The following ZBTB17 variants were observed in gnomAD, a reference collection of about 807,000 sequenced individuals.
ZBTB17 encodes zinc finger and BTB domain-containing protein 17.
A neutral mutation model predicts 85.1 loss-of-function variants in ZBTB17; 24 were observed. The observed-to-expected ratio is 0.28, with a 90% CI of 0.20 to 0.40. The LOEUF (loss-of-function observed/expected upper bound fraction) is 0.40. Among genes scored for constraint, ZBTB17 ranks in the 10% least tolerant of loss-of-function variants. The pLI, the probability that ZBTB17 is intolerant of heterozygous loss-of-function variation, is 1.00. For synonymous variants in ZBTB17, 464 were observed against 460.2 expected (o/e 1.01, Z -0.11); for missense variants, 743 against 1,105.1 (o/e 0.67, Z 4.65).
At position 15,953,157 on chromosome 1, in the gene ZBTB17, AT is replaced by A. The variant is rs1375914183; in HGVS notation, c.-2-4661del. Among the ~76,000 whole-genome samples the A allele has an allele frequency of 6.6e-6, 1 of 151,806 alleles. No individual in the cohort carries two copies. The highest frequency in any genetic ancestry group is 2.4e-5 in the African/African-American group (1 of 41,258). On this transcript the variant is annotated intron_variant, in intron 2 of 15. Coordinates refer to ENST00000375743, the MANE Select transcript of ZBTB17 (RefSeq NM_003443.3). The surrounding 1 kb of genome is among the most constrained non-coding windows in gnomAD (Gnocchi z 5.1). Reference sequence around the variant, plus strand: ...ATTTCATATACATTTACATGAAAACATTCCAATTATTTAAAAAAATGTATTT... The same window carrying A: ...ATTTCATATACATTTACATGAAAACATCCAATTATTTAAAAAAATGTATTT...
chr1:15,956,568 A>C (rs1030463968), intron 2 of ZBTB17, among the ~76,000 whole-genome samples: 1 of 152,246 alleles, frequency 6.6e-6, no homozygotes, highest in African/African-American at 2.4e-5. Flanking sequence ...TTCTATGTAC[A>C]TGGATGAGAA....
Position 15,946,258 on chromosome 1 carries a change from G to A in ZBTB17, c.431C>T (p.Thr144Ile). The A allele has an allele frequency of 6.2e-7, 1 of 1,613,908 alleles. No homozygotes were observed. The highest frequency in any genetic ancestry group is 1.3e-5 in the African/African-American group (1 of 75,062). Residue 144 changes from threonine (T) to isoleucine (I), a missense_variant, in exon 5 of 16, where the codon ACC becomes ATC. Around this residue, in one of 4 missense-constraint regions of ZBTB17, gnomAD observed 279 missense variants for 269.9 expected, o/e 1.03. Transcript: ENST00000375743. Reference sequence around the variant, plus strand: ...CTGCTCCAGCCTGCTCAGCGTGCTGGTGGCCACCTTCTCCTCTTTGGCTCT... The same window carrying A: ...CTGCTCCAGCCTGCTCAGCGTGCTGATGGCCACCTTCTCCTCTTTGGCTCT... ...DKRAKEEKVATSTLSRLEQAG... is the reference protein window; with the variant it reads ...DKRAKEEKVAISTLSRLEQAG...
chr1:15,944,576 C>A lies in ZBTB17; in HGVS notation c.1095G>T (p.Glu365Asp). The A allele has an allele frequency of 1.3e-6, 2 of 1,598,520 alleles. No homozygotes were observed. The highest frequency in any genetic ancestry group is 1.7e-5 in the Admixed American group (1 of 59,676). The part of the protein sequence containing the change: ...THSPLKPYGC[E>D]ECGKSYRLIS... ...TGAGGCGGTAGCTCTTCCCGCACTC[C>A]TCGCAGCCGTAGGGCTTCAGAGGGC... Residue 365 changes from glutamate to aspartate, a missense_variant, in exon 9 of 16, where the codon GAG (glutamate) becomes GAT (aspartate). Physicochemically the swap from Glu to Asp is conservative, Grantham distance 45. This residue lies in a region of ZBTB17 where 321 missense variants were observed against 615.7 expected (regional missense o/e 0.52). Transcript: ENST00000375743.
At chr1:15,956,952 G>A (rs564889088) in intron 2 of ZBTB17, among the ~76,000 whole-genome samples, 144 of 152,220 alleles carry the variant, frequency 9.5e-4, no homozygotes, top group Non-Finnish European at 1.6e-3. Context: ...ACGCTGAGGC[G>A]GGTGGATCAC....
intron 2 of ZBTB17, among the ~76,000 whole-genome samples, chr1:15,963,865 G>T (rs190849579): frequency 1.0e-3 from 159 of 152,270 alleles, no homozygotes; most frequent in African/African-American, 3.7e-3. Context: ...TAGCACTTTG[G>T]GAGGCCAAAG....
Position 15,964,232 on chromosome 1 carries a change from T to A in ZBTB17, c.-3+8807A>T, listed in dbSNP as rs2072362794. ...TTCTCAGGTCCTCACTGTTTGAGAGTAAGGTATAAAGACACTGACTAAATT... is the reference window on the plus strand; with the variant it reads ...TTCTCAGGTCCTCACTGTTTGAGAGAAAGGTATAAAGACACTGACTAAATT... On this transcript the variant is annotated intron_variant, in intron 2 of 15. Coordinates refer to ENST00000375743, the MANE Select transcript of ZBTB17 (RefSeq NM_003443.3). The surrounding 1 kb of genome is among the most constrained non-coding windows in gnomAD (Gnocchi z 4.3). 6.6e-6 allele frequency among the ~76,000 whole-genome samples: 1 copy of A among 151,886 alleles called. No homozygotes were observed. The highest frequency in any genetic ancestry group is 6.6e-5 in the Admixed American group (1 of 15,244).
At chr1:15,968,031 T>G (rs1306602090) in intron 2 of ZBTB17, among the ~76,000 whole-genome samples, 1 of 151,692 alleles carries the variant, frequency 6.6e-6, no homozygotes, top group East Asian at 1.9e-4. Context: ...ACCACTGGCA[T>G]CTATGGGGAG....
intron 9 of ZBTB17, chr1:15,944,097 C>A (rs1263193166): frequency 9.9e-7 from 1 of 1,010,438 alleles, no homozygotes; most frequent in Non-Finnish European, 1.5e-6. Flanking sequence ...GACCAAACCC[C>A]GCCCTGAGTC....
intron 2 of ZBTB17, among the ~76,000 whole-genome samples, chr1:15,967,116 T>G (rs1164240881): frequency 6.6e-6 from 1 of 152,230 alleles, no homozygotes; most frequent in South Asian, 2.1e-4. Flanking sequence ...TGCTCGCACC[T>G]GTAATCCCAG....
chr1:15,960,207 C>T (rs1160971151), intron 2 of ZBTB17, among the ~76,000 whole-genome samples: 1 of 152,210 alleles, frequency 6.6e-6, no homozygotes, highest in Non-Finnish European at 1.5e-5. Flanking sequence ...TTAAGTGCCT[C>T]AGGCAGGCAC....
chr1:15,951,129 C>A lies in ZBTB17; in HGVS notation c.-2-2632G>T, dbSNP rs780179698. On this transcript the variant is annotated intron_variant, in intron 2 of 15. Coordinates refer to ENST00000375743, the MANE Select transcript of ZBTB17 (RefSeq NM_003443.3). This position sits in a 1 kb window ranked among gnomAD's most constrained non-coding sequence, Gnocchi z 4.1. ...ACTTTTCCAATGCAAGATGCCCGCC[C>A]AGAAGTGGGCTCCTCCCACACACGG... Among the ~76,000 whole-genome samples, 1 of 152,230 alleles carries A rather than the reference C, an allele frequency of 6.6e-6. No individual in the cohort carries two copies. Among genetic ancestry groups the A allele is most frequent in the African/African-American group, 2.4e-5 (1 of 41,450 alleles).
chr1:15,969,470 G>A (rs918403273), intron 2 of ZBTB17, among the ~76,000 whole-genome samples: 3 of 152,124 alleles, frequency 2.0e-5, no homozygotes, highest in African/African-American at 7.2e-5. Flanking sequence ...GTTGGGGGCT[G>A]CGGGCCATGC....
chr1:15,966,674 T>C lies in ZBTB17; in HGVS notation c.-3+6365A>G, dbSNP rs1014925165. Among the ~76,000 whole-genome samples the C allele has an allele frequency of 9.8e-5, 15 of 152,312 alleles. No homozygotes were observed. Among genetic ancestry groups the C allele is most frequent in the African/African-American group, 2.6e-4 (11 of 41,564 alleles). On this transcript the variant is annotated intron_variant, in intron 2 of 15. Transcript: ENST00000375743. The surrounding 1 kb of genome is among the most constrained non-coding windows in gnomAD (Gnocchi z 4.1). Reference sequence around the variant, plus strand: ...AGGTCAACCTTAATCACCCTGGGACTGTCAAACTATTGATGTCCATAAGGA... The same window carrying C: ...AGGTCAACCTTAATCACCCTGGGACCGTCAAACTATTGATGTCCATAAGGA...
intron 2 of ZBTB17, among the ~76,000 whole-genome samples, chr1:15,961,682 C>G (rs2072264083): frequency 6.6e-6 from 1 of 152,246 alleles, no homozygotes; most frequent in South Asian, 2.1e-4. Context: ...CCACCTGCGG[C>G]AGCGATCAAT....
At chr1:15,960,676 T>C (rs886884642) in intron 2 of ZBTB17, among the ~76,000 whole-genome samples, 1 of 152,208 alleles carries the variant, frequency 6.6e-6, no homozygotes, top group Non-Finnish European at 1.5e-5. Context: ...GCAAAGAGGC[T>C]CTCACTGAGG....
intron 10 of ZBTB17, 39 bp downstream of exon 10, chr1:15,943,769 G>A: frequency 1.9e-6 from 3 of 1,612,620 alleles, no homozygotes; most frequent in East Asian, 4.5e-5. Flanking sequence ...TGGCCGAGGA[G>A]CAGGGGTGTG....
chr1:15,941,946 A>G lies in ZBTB17; in HGVS notation c.*23T>C. 1 of 1,579,284 alleles carries G rather than the reference A, an allele frequency of 6.3e-7. No homozygotes were observed. Among genetic ancestry groups the G allele is most frequent in the Non-Finnish European group, 8.6e-7 (1 of 1,166,850 alleles). ...TCCAGGGTGCCATCCATCCTTAAAT[A>G]AACAGTCAGAAGGGCCGCCAGCTCA... On this transcript the variant is annotated 3_prime_UTR_variant, in exon 16 of 16. Transcript: ENST00000375743.
At position 15,942,108 on chromosome 1, in the gene ZBTB17, C is replaced by T; in HGVS notation, c.2273G>A (p.Gly758Glu). ...QTDADFYQQY[G>E]PGGTWPAGQV... ...CCCGGCAGGCCACGTGCCACCTGGC[C>T]CATACTGCTGATAGAAGTCCGCGTC... The change falls in exon 16 of 16, where the codon GGG becomes GAG. Residue 758 changes from glycine (G) to glutamate (E), a missense_variant. Gly to Glu is a moderately conservative substitution (Grantham distance 98). Transcript: ENST00000375743. 1.2e-6 allele frequency: 2 copies of T among 1,613,386 alleles called. No individual in the cohort carries two copies. Among genetic ancestry groups the T allele is most frequent in the South Asian group, 2.2e-5 (2 of 91,090 alleles).
Position 15,942,730 on chromosome 1 carries a change from G to T in ZBTB17, c.1837C>A (p.Pro613Thr). ...KHIIIHTGEK[P>T]YLCDKCGRGF... ...CGCCCACACTTATCACACAGGTAAG[G>T]CTTCTCTCCTGGGGGAGCAAGGTTC... The change falls in exon 14 of 16, where the codon CCT (proline) becomes ACT (threonine). Residue 613 changes from proline to threonine, a missense_variant. By Grantham distance (38) the Pro-to-Thr change is conservative. Around this residue, in one of 4 missense-constraint regions of ZBTB17, gnomAD observed 321 missense variants for 615.7 expected, o/e 0.52. Transcript: ENST00000375743. 1 of 1,613,332 alleles carries T rather than the reference G, an allele frequency of 6.2e-7. No homozygotes were observed. Among genetic ancestry groups the T allele is most frequent in the Non-Finnish European group, 8.5e-7 (1 of 1,180,002 alleles).
Sources: allele counts gnomAD v4.1 joint callset (sites outside exome capture counted in the v4.1 genomes callset), GRCh38; gene constraint gnomAD v4.1.1; regional missense constraint gnomAD v4.1.1; non-coding constraint Gnocchi (gnomAD v3.1); transcripts MANE v1.5; gene names NCBI Gene and HGNC (gene_info 2026-07-23, HGNC 2026-07-21).